The following PACRG variants were observed in gnomAD, a reference collection of about 807,000 sequenced individuals.
PACRG encodes parkin coregulated gene protein.
Under a neutral mutation model 29.7 loss-of-function variants are expected in PACRG, and 29 were observed. That is an observed-to-expected ratio of 0.98 (90% confidence interval 0.73 to 1.33). The LOEUF (loss-of-function observed/expected upper bound fraction) is 1.33, where lower values mean the gene tolerates loss of function less well. PACRG is among the 40% of genes most tolerant of loss of function. The pLI is 0.00. For missense variants in PACRG, 279 were observed against 316.2 expected (o/e 0.88, Z 0.89); for synonymous variants, 116 against 118.7 (o/e 0.98, Z 0.15).
chr6:162,739,417 A>G (rs565430583), intron 1 of PACRG, among the ~76,000 whole-genome samples: 1 of 152,234 alleles, frequency 6.6e-6, no homozygotes, highest in East Asian at 1.9e-4. Flanking sequence ...TGGATATGGT[A>G]TGTACATATT....
At chr6:163,212,693 T>C (rs1585337540) in intron 4 of PACRG, among the ~76,000 whole-genome samples, 1 of 152,312 alleles carries the variant, frequency 6.6e-6, no homozygotes, top group South Asian at 2.1e-4. Flanking sequence ...TGAAAAATTG[T>C]ATATTTACCA....
chr6:162,983,087 C>A (rs1005904949), intron 2 of PACRG, among the ~76,000 whole-genome samples: 1 of 151,838 alleles, frequency 6.6e-6, no homozygotes, highest in Non-Finnish European at 1.5e-5. Context: ...ACTGTTGTTG[C>A]CTTAAAGTCT....
chr6:162,912,485 G>T (rs553503469), intron 2 of PACRG, among the ~76,000 whole-genome samples: 1 of 151,960 alleles, frequency 6.6e-6, no homozygotes, highest in African/African-American at 2.4e-5. Flanking sequence ...TGTAACTTCT[G>T]CCACTGTAGT....
intron 2 of PACRG, among the ~76,000 whole-genome samples, chr6:163,047,542 T>A (rs978364057): frequency 2.2e-4 from 34 of 152,228 alleles, no homozygotes; most frequent in Non-Finnish European, 3.1e-4. Flanking sequence ...ATACAATTCC[T>A]GGATAATAAA....
Position 163,062,338 on chromosome 6 carries a change from A to G in PACRG, c.463+17A>G. ...CGATAAAAAGTAAGTGAACCGGTGA[A>G]AAAGCATCACTCAGTTTATACGGTG... On this transcript the variant is annotated intron_variant, in intron 3 of 4. Transcript: ENST00000366888. The G allele has an allele frequency of 6.9e-6, 11 of 1,605,404 alleles. No homozygotes were observed. Among genetic ancestry groups the G allele is most frequent in the Non-Finnish European group, 9.4e-6 (11 of 1,176,116 alleles).
chr6:163,019,270 T>C (rs1433498464), intron 2 of PACRG, among the ~76,000 whole-genome samples: 2 of 152,212 alleles, frequency 1.3e-5, no homozygotes, highest in Non-Finnish European at 2.9e-5. Flanking sequence ...TTGGTCAAGA[T>C]AACTTTTCTG....
intron 4 of PACRG, among the ~76,000 whole-genome samples, chr6:163,166,583 T>A (rs1325953738): frequency 2.0e-5 from 3 of 152,260 alleles, no homozygotes; most frequent in Admixed American, 1.3e-4. Flanking sequence ...AGTGAAGCTC[T>A]GTCATGTGCC....
chr6:163,191,165 A>T (rs1780192336), intron 4 of PACRG, among the ~76,000 whole-genome samples: 1 of 152,230 alleles, frequency 6.6e-6, no homozygotes. Flanking sequence ...CCTTTTCCTA[A>T]GCCATTCCAC....
chr6:162,787,574 GTGTGTGTGTATATATATA>G (rs1456741893), intron 1 of PACRG, among the ~76,000 whole-genome samples: 8 of 60,416 alleles, frequency 1.3e-4, no homozygotes, highest in African/African-American at 5.3e-4. Flanking sequence ...GTGTGTGTGT[GTGTGTGTGTATATATATA>G]TATATATATA....
intron 4 of PACRG, among the ~76,000 whole-genome samples, chr6:163,307,960 C>T (rs988059716): frequency 2.6e-5 from 4 of 152,150 alleles, no homozygotes; most frequent in Non-Finnish European, 5.9e-5. Flanking sequence ...CTAAACTTTA[C>T]TGGAGAAAAC....
intron 2 of PACRG, among the ~76,000 whole-genome samples, chr6:162,904,585 C>G (rs928394133): frequency 1.1e-4 from 17 of 152,266 alleles, no homozygotes; most frequent in African/African-American, 3.9e-4. Context: ...ATGAAGAAGA[C>G]TTTTAGAAAC....
chr6:163,242,537 C>T (rs1782543879), intron 4 of PACRG, among the ~76,000 whole-genome samples: 1 of 152,018 alleles, frequency 6.6e-6, no homozygotes, highest in Non-Finnish European at 1.5e-5. Context: ...ATAAAAGAGC[C>T]AAAAAGTGAG....
intron 4 of PACRG, among the ~76,000 whole-genome samples, chr6:163,313,271 G>GAT (rs939184066): frequency 6.6e-6 from 1 of 151,824 alleles, no homozygotes; most frequent in African/African-American, 2.4e-5. Flanking sequence ...CATTTATTAT[G>GAT]AATAAATGAC....
rs1329995368 is a variant in PACRG, at chr6:162,777,224, C to T, written c.157-36923C>T. 6.6e-6 allele frequency among the ~76,000 whole-genome samples: 1 copy of T among 152,210 alleles called. No homozygotes were observed. Among genetic ancestry groups the T allele is most frequent in the Non-Finnish European group, 1.5e-5 (1 of 68,042 alleles). ...CAGTATCAGACTCACTTGGCTCCCT[C>T]GTGCCGGCTGTGTGACGTTGTTTTT... On this transcript the variant is annotated intron_variant, in intron 1 of 4. Coordinates refer to ENST00000366888, the MANE Select transcript of PACRG (RefSeq NM_001080379.2). This position sits in a 1 kb window ranked among gnomAD's most constrained non-coding sequence, Gnocchi z 4.0.
In PACRG at chr6:162,981,305, A is replaced by ATATATATATTTTTTTTTT. The variant is rs925663285; in HGVS notation, c.292-80844_292-80843insATATATATTTTTTTTTTT. On this transcript the variant is annotated intron_variant, in intron 2 of 4. Coordinates refer to ENST00000366888, the MANE Select transcript of PACRG (RefSeq NM_001080379.2). ...ATGTATAAAACATATATATATATAT[A>ATATATATATTTTTTTTTT]TTTACAATGGCAAAAATATAGAACC... Among the ~76,000 whole-genome samples, 1,172 of 149,114 alleles carry ATATATATATTTTTTTTTT rather than the reference A, an allele frequency of 7.9e-3. 13 individuals are homozygous for ATATATATATTTTTTTTTT. Among genetic ancestry groups the ATATATATATTTTTTTTTT allele is most frequent in the African/African-American group, 0.028 (1,128 of 40,312 alleles).
intron 1 of PACRG, among the ~76,000 whole-genome samples, chr6:162,763,084 A>T (rs894264185): frequency 6.6e-6 from 1 of 152,248 alleles, no homozygotes; most frequent in Non-Finnish European, 1.5e-5. Flanking sequence ...CACACAAATC[A>T]GAAGTATCCA....
intron 2 of PACRG, among the ~76,000 whole-genome samples, chr6:162,838,736 TC>T (rs1440618652): frequency 2.4e-5 from 2 of 84,826 alleles, no homozygotes; most frequent in East Asian, 4.1e-4. Flanking sequence ...ATGCTATCCC[TC>T]CCCCCTCCCC....
intron 2 of PACRG, among the ~76,000 whole-genome samples, chr6:162,909,631 C>T (rs1796175356): frequency 6.9e-6 from 1 of 144,218 alleles, no homozygotes; most frequent in Admixed American, 7.0e-5. Flanking sequence ...CCTACCCCTT[C>T]CCAGACAGAT....
intron 2 of PACRG, among the ~76,000 whole-genome samples, chr6:162,839,924 G>A (rs1317530101): frequency 7.5e-6 from 1 of 132,458 alleles, no homozygotes; most frequent in Non-Finnish European, 1.6e-5. Context: ...CGTTATTTCT[G>A]AGGGCTCTGT....
Sources: gnomAD v4.1 joint callset for allele counts (sites outside exome capture counted in the v4.1 genomes callset) on GRCh38, gnomAD v4.1.1 for gene constraint, Gnocchi (gnomAD v3.1) non-coding constraint, MANE v1.5 for transcripts, NCBI Gene and HGNC (gene_info 2026-07-23, HGNC 2026-07-21) for gene names.